The following CRTAP variants were observed in gnomAD, a reference collection of about 807,000 sequenced individuals.
CRTAP encodes cartilage associated protein.
A neutral mutation model predicts 42.7 loss-of-function variants in CRTAP; 33 were observed. The ratio of observed to expected loss-of-function variants is 0.77; its 90% CI spans 0.59 to 1.03. The LOEUF (loss-of-function observed/expected upper bound fraction) is 1.03. Ranked by LOEUF, CRTAP falls within the 50% of genes least tolerant of loss-of-function variation. The pLI is 0.00. For synonymous variants in CRTAP, 243 were observed against 217.7 expected (o/e 1.12, Z -1.02); for missense variants, 613 against 533.9 (o/e 1.15, Z -1.46).
Position 33,114,474 on chromosome 3 carries a change from C to G in CRTAP, c.397C>G (p.Gln133Glu). ...KQGLPAFRQS[Q>E]PSREVLADFQ... ...GGGCCTGCCAGCCTTCCGCCAGTCC[C>G]AGCCCAGCCGCGAGGTGCTGGCGGA... Residue 133 changes from glutamine to glutamate, a missense_variant, in exon 1 of 7, where the codon CAG becomes GAG. Transcript: ENST00000320954. 1 of 1,599,782 alleles carries G rather than the reference C, an allele frequency of 6.3e-7. No individual in the cohort carries two copies. Among genetic ancestry groups the G allele is most frequent in the South Asian group, 1.1e-5 (1 of 88,816 alleles).
At chr3:33,122,713 A>C (rs1429087094) in intron 2 of CRTAP, among the ~76,000 whole-genome samples, 1 of 25,192 alleles carries the variant, frequency 4.0e-5, no homozygotes. Context: ...CTGTCTCAAA[A>C]AAAAAAAAAA....
At chr3:33,121,411 C>CAAAAAAGAAAAAAAA (rs2029877236) in intron 2 of CRTAP, among the ~76,000 whole-genome samples, 1 of 147,452 alleles carries the variant, frequency 6.8e-6, no homozygotes, top group East Asian at 2.0e-4. Flanking sequence ...GACTCTGTCT[C>CAAAAAAGAAAAAAAA]AAAAAAAATG....
In CRTAP at chr3:33,146,625, AAGAG is replaced by A. The variant is rs1205896476; in HGVS notation, c.*4180_*4183del. Reference sequence around the variant, plus strand: ...GTTGTGCTCACCTCTGGAATTCAGAAAGAGAGCCACTGCGAGCACTGACCACAAG... The same window carrying A: ...GTTGTGCTCACCTCTGGAATTCAGAAAGCCACTGCGAGCACTGACCACAAG... On this transcript the variant is annotated 3_prime_UTR_variant, in exon 7 of 7. Coordinates refer to ENST00000320954, the MANE Select transcript of CRTAP (RefSeq NM_006371.5). 1 of 152,246 alleles carries A rather than the reference AAGAG, an allele frequency of 6.6e-6. No individual in the cohort carries two copies. The highest frequency in any genetic ancestry group is 1.5e-5 in the Non-Finnish European group (1 of 68,050). The allele number at this position is 152,246 out of a possible 1,614,324, so 9.4% of individuals were successfully genotyped here.
chr3:33,139,374 C>T (rs1031875508), intron 6 of CRTAP, among the ~76,000 whole-genome samples: 2 of 152,078 alleles, frequency 1.3e-5, no homozygotes, highest in Non-Finnish European at 2.9e-5. Flanking sequence ...AAAAAGCATA[C>T]AGTCGTCTTT....
In CRTAP at chr3:33,134,222, A is replaced by C; in HGVS notation, c.1109A>C (p.Glu370Ala). ...TTTAATGTGACCACACTCCAGAAGG[A>C]GCTGTATGACTTTGCTAAGGAAAAT... ...QFFNVTTLQK[E>A]LYDFAKENIM... Residue 370 changes from glutamate (E) to alanine (A), a missense_variant, in exon 6 of 7, where the codon GAG becomes GCG. Glu to Ala is a moderately radical substitution (Grantham distance 107). Coordinates refer to ENST00000320954, the MANE Select transcript of CRTAP (RefSeq NM_006371.5). 6.2e-7 allele frequency: 1 copy of C among 1,613,536 alleles called. No individual in the cohort carries two copies. Among genetic ancestry groups the C allele is most frequent in the Non-Finnish European group, 8.5e-7 (1 of 1,179,444 alleles).
At chr3:33,141,046 C>T (rs995241538) in intron 6 of CRTAP, among the ~76,000 whole-genome samples, 1 of 152,094 alleles carries the variant, frequency 6.6e-6, no homozygotes, top group Admixed American at 6.5e-5. Context: ...AGGCAATTGC[C>T]CAGAGAAGGG....
At chr3:33,142,044 A>T (rs1180640563) in intron 6 of CRTAP, among the ~76,000 whole-genome samples, 2 of 152,184 alleles carry the variant, frequency 1.3e-5, no homozygotes, top group Non-Finnish European at 2.9e-5. Flanking sequence ...AAGGGAACAG[A>T]TAGAAAATGT....
At chr3:33,135,937 A>T (rs570778490) in intron 6 of CRTAP, among the ~76,000 whole-genome samples, 1 of 152,316 alleles carries the variant, frequency 6.6e-6, no homozygotes, top group Non-Finnish European at 1.5e-5. Context: ...TGTACTTGTT[A>T]TATCCACAAA....
chr3:33,123,639 T>C (rs1344141219), intron 2 of CRTAP, among the ~76,000 whole-genome samples: 1 of 147,296 alleles, frequency 6.8e-6, no homozygotes, highest in South Asian at 2.2e-4. Context: ...TTTTTTTTTT[T>C]TTTTTTTTTT....
intron 6 of CRTAP, among the ~76,000 whole-genome samples, chr3:33,139,361 AG>A (rs2030509511): frequency 6.6e-6 from 1 of 152,212 alleles, no homozygotes; most frequent in Admixed American, 6.5e-5. Flanking sequence ...CAGTCTTAAA[AG>A]GAAAAAGCAT....
intron 1 of CRTAP, 61 bp downstream of exon 1, chr3:33,114,609 T>C (rs1358339572): frequency 2.7e-6 from 4 of 1,488,734 alleles, no homozygotes; most frequent in Non-Finnish European, 3.6e-6. Context: ...CTCCAGGCCC[T>C]AGCCCCGCCC....
chr3:33,141,473 A>C (rs1310161371), intron 6 of CRTAP, among the ~76,000 whole-genome samples: 10 of 152,224 alleles, frequency 6.6e-5, no homozygotes, highest in Admixed American at 6.5e-4. Context: ...TGTACTTGAT[A>C]GGTTTTCCAG....
In CRTAP at chr3:33,124,427, T is replaced by C. The variant is rs146124454; in HGVS notation, c.641T>C (p.Val214Ala). ...TTTCAGAGCCTGTTCATCCGAGCAGTGCGGGCATACAACGGTGAGAACTGG... is the reference window on the plus strand; with the variant it reads ...TTTCAGAGCCTGTTCATCCGAGCAGCGCGGGCATACAACGGTGAGAACTGG... ...KSYESLFIRA[V>A]RAYNGENWRT... The change falls in exon 3 of 7, where the codon GTG (valine) becomes GCG (alanine). Residue 214 changes from valine (V) to alanine (A), a missense_variant. Transcript: ENST00000320954. 5,015 of 1,614,160 alleles carry C rather than the reference T, an allele frequency of 3.1e-3. 132 individuals carry two copies. In the South Asian group the frequency reaches 0.043, roughly 14 times the overall value.
chr3:33,119,119 C>T (rs1237290369), intron 1 of CRTAP, among the ~76,000 whole-genome samples: 1 of 152,178 alleles, frequency 6.6e-6, no homozygotes, highest in Non-Finnish European at 1.5e-5. Context: ...AGATATCTAC[C>T]TCCCCTGAGA....
At chr3:33,136,276 G>T (rs541561551) in intron 6 of CRTAP, among the ~76,000 whole-genome samples, 2 of 152,096 alleles carry the variant, frequency 1.3e-5, no homozygotes, top group East Asian at 1.9e-4. Context: ...TGGATGTACC[G>T]CATTCTGTTT....
chr3:33,121,076 T>C (rs2029871333), intron 2 of CRTAP, among the ~76,000 whole-genome samples: 3 of 152,126 alleles, frequency 2.0e-5, no homozygotes, highest in African/African-American at 7.2e-5. Flanking sequence ...ACTCAGGCAC[T>C]GGGGGCCTGG....
Position 33,119,246 on chromosome 3 carries a change from A to G in CRTAP, c.472-1098A>G, listed in dbSNP as rs369636453. On this transcript the variant is annotated intron_variant, in intron 1 of 6. Coordinates refer to ENST00000320954, the MANE Select transcript of CRTAP (RefSeq NM_006371.5). ...GTCATAATGTCATTATGTTCAAATC[A>G]CAGATACTTATTGTGTCCTGCCTTG... Among the ~76,000 whole-genome samples, 225 of 152,348 alleles carry G rather than the reference A, an allele frequency of 1.5e-3. 5 individuals are homozygous for G. The South Asian group carries it at 0.042, about 28-fold the overall frequency.
intron 1 of CRTAP, chr3:33,115,398 A>G (rs1559431805): frequency 6.6e-6 from 1 of 152,234 alleles, no homozygotes; most frequent in East Asian, 1.9e-4. Context: ...AATTTAACAC[A>G]GTTCACTGCC....
Position 33,144,481 on chromosome 3 carries a change from CATTT to C in CRTAP, c.*2037_*2040del, listed in dbSNP as rs1168627857. The C allele has an allele frequency of 6.6e-6, 1 of 152,132 alleles. No individual in the cohort carries two copies. The highest frequency in any genetic ancestry group is 2.4e-5 in the African/African-American group (1 of 41,388). 9.4% of individuals were successfully genotyped at this position (152,132 alleles called of 1,614,324 possible). A position where few individuals can be genotyped will look rare whatever the true frequency, so the allele number is the denominator to read the frequency against. On this transcript the variant is annotated 3_prime_UTR_variant, in exon 7 of 7. Transcript: ENST00000320954. ...GGAACCTGTGAAAGCCTTTATCAGT[CATTT>C]ATTGGCTGTGAGAAGTTCTCTGGGA...
Sources: allele counts gnomAD v4.1 joint callset (sites outside exome capture counted in the v4.1 genomes callset), GRCh38; gene constraint gnomAD v4.1.1; transcripts MANE v1.5; gene names NCBI Gene and HGNC (gene_info 2026-07-23, HGNC 2026-07-21).